The following SEMA3D variants were observed in gnomAD, a reference collection of about 807,000 sequenced individuals.
SEMA3D encodes the protein semaphorin-3D.
SEMA3D carries 84 observed loss-of-function variants against 100.1 expected under a neutral mutation model. The observed-to-expected ratio is 0.84, with a 90% CI of 0.70 to 1.01. The LOEUF is 1.01. SEMA3D is among the 50% of genes least tolerant of loss of function. The pLI is 0.00. For synonymous variants in SEMA3D, 312 were observed against 320.7 expected (o/e 0.97, Z 0.29); for missense variants, 875 against 934.1 (o/e 0.94, Z 0.82).
chr7:85,140,256 A>T, intron 2 of SEMA3D: 1 of 874,142 alleles, frequency 1.1e-6, no homozygotes, highest in Non-Finnish European at 1.4e-6. Flanking sequence ...TTTATTAAAT[A>T]AGACTTCTGC....
chr7:85,086,900 A>G (rs1039543860), intron 4 of SEMA3D, among the ~76,000 whole-genome samples: 5 of 152,158 alleles, frequency 3.3e-5, no homozygotes, highest in Non-Finnish European at 7.3e-5. Context: ...CTATTAGACA[A>G]AAGTCACACC....
the SEMA3D span, among the ~76,000 whole-genome samples, chr7:85,247,750 T>C: frequency 6.6e-6 from 1 of 152,086 alleles, no homozygotes; most frequent in African/African-American, 2.4e-5. Flanking sequence ...CCCACAGATA[T>C]AGTCAACTGG....
At chr7:85,224,027 A>C in the SEMA3D span, among the ~76,000 whole-genome samples, 1 of 152,198 alleles carries the variant, frequency 6.6e-6, no homozygotes, top group Non-Finnish European at 1.5e-5. Context: ...ATGTTGTCAC[A>C]TGGCAATACT....
At chr7:85,243,047 C>T in the SEMA3D span, among the ~76,000 whole-genome samples, 1 of 152,090 alleles carries the variant, frequency 6.6e-6, no homozygotes, top group African/African-American at 2.4e-5. Context: ...GGACTGTTAT[C>T]ACCAACCAGT....
chr7:85,150,368 T>TA lies in SEMA3D; in HGVS notation c.-41+3239_-41+3240insT, dbSNP rs1554348719. ...AGAAATATATATATATATATATATA[T>TA]TATATATATATACACACACACATAT... On this transcript the variant is annotated intron_variant, in intron 2 of 18. Coordinates refer to ENST00000284136, the MANE Select transcript of SEMA3D (RefSeq NM_001384900.1). Among the ~76,000 whole-genome samples the TA allele has an allele frequency of 7.6e-3, 991 of 129,912 alleles. 26 individuals are homozygous for TA. Among genetic ancestry groups the TA allele is most frequent in the African/African-American group, 0.022 (767 of 34,870 alleles). 85.2% of individuals were successfully genotyped at this position (129,912 alleles called of 152,430 possible).
At chr7:85,068,055 C>A (rs1234696885) in intron 7 of SEMA3D, 136 bp downstream of exon 7, 2 of 612,700 alleles carry the variant, frequency 3.3e-6, no homozygotes, top group Non-Finnish European at 5.8e-6. Context: ...AAATTTGGCA[C>A]TAAAATAATG....
rs1789528002 is a variant in SEMA3D, at chr7:84,997,278, C to A, written c.*2162G>T. ...TTTCCAAAGTCATTCATATTTTGAT[C>A]ATTACTGTCGGACCCACAAATATTT... On this transcript the variant is annotated 3_prime_UTR_variant, in exon 19 of 19. Coordinates refer to ENST00000284136, the MANE Select transcript of SEMA3D (RefSeq NM_001384900.1). 6.6e-6 allele frequency: 1 copy of A among 151,996 alleles called. No individual in the cohort carries two copies. Among genetic ancestry groups the A allele is most frequent in the Non-Finnish European group, 1.5e-5 (1 of 67,926 alleles). 9.4% of individuals were successfully genotyped at this position (151,996 alleles called of 1,614,324 possible). A position where few individuals can be genotyped will look rare whatever the true frequency, so the allele number is the denominator to read the frequency against.
upstream of SEMA3D, among the ~76,000 whole-genome samples, chr7:85,191,353 A>G (rs989747319): frequency 2.0e-5 from 3 of 151,176 alleles, no homozygotes; most frequent in African/African-American, 7.3e-5. Flanking sequence ...CCAAGGAAGG[A>G]TTTTAAGGAA....
chr7:85,138,856 G>A (rs1324611821), intron 2 of SEMA3D, among the ~76,000 whole-genome samples: 1 of 150,766 alleles, frequency 6.6e-6, no homozygotes. Context: ...ATTCCCCCCT[G>A]TCCATATGTT....
intron 1 of SEMA3D, among the ~76,000 whole-genome samples, chr7:85,162,351 C>T (rs1187161294): frequency 6.6e-6 from 1 of 152,000 alleles, no homozygotes; most frequent in Non-Finnish European, 1.5e-5. Flanking sequence ...TAAAACCACA[C>T]CCTTATCATA....
chr7:85,111,333 A>G lies in SEMA3D; in HGVS notation c.151+10408T>C, dbSNP rs149291071. On this transcript the variant is annotated intron_variant, in intron 3 of 18. Coordinates refer to ENST00000284136, the MANE Select transcript of SEMA3D (RefSeq NM_001384900.1). ...TTGGCATCTCACTTAGGTGTCTAAT[A>G]CCCTTCTCAAATAAAATATGTCCAC... Among the ~76,000 whole-genome samples, 140 of 152,178 alleles carry G rather than the reference A, an allele frequency of 9.2e-4. 1 individual carries two copies. Among genetic ancestry groups the G allele is most frequent in the African/African-American group, 3.2e-3 (135 of 41,564 alleles).
chr7:85,097,145 ACC>A (rs1788583798), intron 4 of SEMA3D, among the ~76,000 whole-genome samples: 1 of 151,772 alleles, frequency 6.6e-6, no homozygotes, highest in Non-Finnish European at 1.5e-5. Context: ...AAAGTGTGGC[ACC>A]CTTTCCTCCG....
chr7:85,249,855 G>GA, the SEMA3D span, among the ~76,000 whole-genome samples: 2 of 152,096 alleles, frequency 1.3e-5, no homozygotes, highest in Non-Finnish European at 2.9e-5. Context: ...TTCGATACCT[G>GA]AGGGAGGAGC....
At chr7:85,131,336 G>A (rs988908878) in intron 2 of SEMA3D, among the ~76,000 whole-genome samples, 3 of 152,056 alleles carry the variant, frequency 2.0e-5, no homozygotes, top group Non-Finnish European at 4.4e-5. Flanking sequence ...TAGTTTAAAC[G>A]GGGAGAATGA....
intron 13 of SEMA3D, 113 bp downstream of exon 13, chr7:85,022,278 T>C: frequency 1.4e-6 from 1 of 703,564 alleles, no homozygotes; most frequent in South Asian, 1.7e-5. Context: ...CAAGGTTTTA[T>C]CTAATAATTA....
intron 1 of SEMA3D, among the ~76,000 whole-genome samples, chr7:85,171,304 G>A (rs1455434292): frequency 6.6e-6 from 1 of 152,040 alleles, no homozygotes; most frequent in Non-Finnish European, 1.5e-5. Context: ...ACTGGAATGA[G>A]CAAAGTGAAT....
At position 85,053,129 on chromosome 7, in the gene SEMA3D, G is replaced by T. The variant is rs1392266632; in HGVS notation, c.861+2588C>A. 2.0e-5 allele frequency among the ~76,000 whole-genome samples: 3 copies of T among 151,930 alleles called. No individual in the cohort carries two copies. In the South Asian group the frequency reaches 6.2e-4, roughly 31 times the overall value. Reference sequence around the variant, plus strand: ...GAGAACAAATGAACTATAACAGCAAGAACAACAAAACCTGAGTATTTCCAA... The same window carrying T: ...GAGAACAAATGAACTATAACAGCAATAACAACAAAACCTGAGTATTTCCAA... On this transcript the variant is annotated intron_variant, in intron 9 of 18. Transcript: ENST00000284136.
the SEMA3D span, among the ~76,000 whole-genome samples, chr7:85,194,488 G>A: frequency 8.4e-6 from 1 of 119,368 alleles, no homozygotes; most frequent in African/African-American, 3.6e-5. Flanking sequence ...TCTTTTGACT[G>A]TTGATATGCA....
chr7:85,034,031 G>A (rs1025085975), intron 12 of SEMA3D, among the ~76,000 whole-genome samples: 1 of 152,084 alleles, frequency 6.6e-6, no homozygotes, highest in Non-Finnish European at 1.5e-5. Flanking sequence ...CAAGAATTTG[G>A]AGTTTGGGGT....
Sources: gnomAD v4.1 joint callset for allele counts (sites outside exome capture counted in the v4.1 genomes callset) on GRCh38, gnomAD v4.1.1 for gene constraint, MANE v1.5 for transcripts, NCBI Gene and HGNC (gene_info 2026-07-23, HGNC 2026-07-21) for gene names.